The following HS3ST1 variants were observed in gnomAD, a reference collection of about 807,000 sequenced individuals.
HS3ST1 encodes heparan sulfate-glucosamine 3-sulfotransferase 1.
Under a neutral mutation model 20.7 loss-of-function variants are expected in HS3ST1, and 8 were observed. The ratio of observed to expected loss-of-function variants is 0.39; its 90% CI spans 0.23 to 0.70. HS3ST1 has a LOEUF of 0.70. Ranked by LOEUF, HS3ST1 falls within the 30% of genes least tolerant of loss-of-function variation. The pLI is 0.46. For synonymous variants in HS3ST1, 205 were observed against 190.4 expected (o/e 1.08, Z -0.63); for missense variants, 436 against 423.4 (o/e 1.03, Z -0.26).
intron 1 of HS3ST1, among the ~76,000 whole-genome samples, chr4:11,409,258 TC>T (rs1377248609): frequency 2.6e-5 from 4 of 152,218 alleles, no homozygotes; most frequent in African/African-American, 4.8e-5. Flanking sequence ...GTAAATTGTT[TC>T]CCCTGAAACA....
rs755371029 is a variant in HS3ST1 at position 11,399,239 on chromosome 4, C to G, written c.767G>C (p.Cys256Ser). The change falls in exon 2 of 2, where the codon TGC becomes TCC. Residue 256 changes from cysteine to serine, a missense_variant. Transcript: ENST00000002596. This position sits in a 1 kb window ranked among gnomAD's most constrained non-coding sequence, Gnocchi z 5.1. The part of the protein sequence containing the change: ...FYFNKTKGFY[C>S]LRDSGRDRCL... ...GCGGTCCCGGCCGCTGTCCCGCAGGCAGTAAAAGCCCTTGGTTTTGTTAAA... is the reference window on the plus strand; with the variant it reads ...GCGGTCCCGGCCGCTGTCCCGCAGGGAGTAAAAGCCCTTGGTTTTGTTAAA... The G allele has an allele frequency of 6.2e-7, 1 of 1,614,050 alleles. No homozygotes were observed. Among genetic ancestry groups the G allele is most frequent in the African/African-American group, 1.3e-5 (1 of 74,900 alleles).
Position 11,398,920 on chromosome 4 carries a change from AT to A in HS3ST1, c.*161del. 1 of 587,962 alleles carries A rather than the reference AT, an allele frequency of 1.7e-6. No individual in the cohort carries two copies. The highest frequency in any genetic ancestry group is 2.9e-6 in the Non-Finnish European group (1 of 350,528). 36.4% of individuals were successfully genotyped at this position (587,962 alleles called of 1,614,324 possible). A position where few individuals can be genotyped will look rare whatever the true frequency, so the allele number is the denominator to read the frequency against. ...CCCTCCATTTAACAAGTAGAAAAAT[AT>A]AACTAGTATATATGGCAATTGTGAA... On this transcript the variant is annotated 3_prime_UTR_variant, in exon 2 of 2. Coordinates refer to ENST00000002596, the MANE Select transcript of HS3ST1 (RefSeq NM_005114.4).
intron 1 of HS3ST1, among the ~76,000 whole-genome samples, chr4:11,409,542 C>T (rs1180919374): frequency 6.6e-6 from 1 of 152,192 alleles, no homozygotes; most frequent in Non-Finnish European, 1.5e-5. Context: ...AAGGCACAGG[C>T]AAAACGTGGC....
chr4:11,421,702 G>A (rs1718939674), intron 1 of HS3ST1, among the ~76,000 whole-genome samples: 1 of 152,188 alleles, frequency 6.6e-6, no homozygotes, highest in Non-Finnish European at 1.5e-5. Context: ...AAGTTCTTGA[G>A]GGATGAAAGG....
At chr4:11,426,031 G>T (rs1173887332) in intron 1 of HS3ST1, among the ~76,000 whole-genome samples, 1 of 152,134 alleles carries the variant, frequency 6.6e-6, no homozygotes. Flanking sequence ...CCACTCTCCT[G>T]CAACAACTGT....
intron 1 of HS3ST1, among the ~76,000 whole-genome samples, chr4:11,415,863 C>G (rs224493): frequency 0.97 from 147,663 of 152,294 alleles, 71,745 homozygotes; most frequent in Middle Eastern, 1. Context: ...ATAGGGCCCA[C>G]TGGTCTATGT....
chr4:11,410,587 G>A (rs530306408), intron 1 of HS3ST1, among the ~76,000 whole-genome samples: 1 of 152,242 alleles, frequency 6.6e-6, no homozygotes, highest in Admixed American at 6.5e-5. Flanking sequence ...GTTCTCTCTA[G>A]AAATTTAGAA....
At chr4:11,417,970 C>T (rs1475059099) in intron 1 of HS3ST1, among the ~76,000 whole-genome samples, 10 of 152,154 alleles carry the variant, frequency 6.6e-5, no homozygotes, top group Admixed American at 6.5e-4. Flanking sequence ...TGTCTTTGTG[C>T]CTCAGTTTCC....
intron 1 of HS3ST1, among the ~76,000 whole-genome samples, chr4:11,415,648 A>G (rs959124879): frequency 2.0e-5 from 3 of 152,242 alleles, no homozygotes; most frequent in South Asian, 2.1e-4. Context: ...ATGCTGCTCT[A>G]TTGATAGCTG....
chr4:11,405,461 G>A (rs570943841), intron 1 of HS3ST1, among the ~76,000 whole-genome samples: 41 of 152,264 alleles, frequency 2.7e-4, no homozygotes, highest in Non-Finnish European at 4.6e-4. Context: ...CCTTTCCAAG[G>A]AGGCCTTTCC....
chr4:11,407,218 A>G (rs1718489418), intron 1 of HS3ST1, among the ~76,000 whole-genome samples: 1 of 152,200 alleles, frequency 6.6e-6, no homozygotes, highest in African/African-American at 2.4e-5. Flanking sequence ...TTAGGGTAGA[A>G]AGGACCGTAA....
At chr4:11,404,084 G>T (rs563123632) in intron 1 of HS3ST1, among the ~76,000 whole-genome samples, 5 of 151,920 alleles carry the variant, frequency 3.3e-5, no homozygotes, top group Admixed American at 6.6e-5. Context: ...TTCCTCTGTC[G>T]CCCAGGCTGG....
chr4:11,406,836 A>G (rs1490774716), intron 1 of HS3ST1, among the ~76,000 whole-genome samples: 6 of 152,078 alleles, frequency 3.9e-5, no homozygotes, highest in Non-Finnish European at 8.8e-5. Flanking sequence ...TGAGAAACAC[A>G]GGTTGAACAA....
At chr4:11,433,154 T>C (rs2108895724), upstream of HS3ST1, among the ~76,000 whole-genome samples, 1 of 152,360 alleles carries the variant, frequency 6.6e-6, no homozygotes, top group East Asian at 1.9e-4. Flanking sequence ...TTAAATATCT[T>C]CTTTAATCTA....
chr4:11,421,908 G>C (rs973975930), intron 1 of HS3ST1, among the ~76,000 whole-genome samples: 2 of 152,200 alleles, frequency 1.3e-5, no homozygotes, highest in African/African-American at 4.8e-5. Flanking sequence ...CTGGACCTCA[G>C]TTTCCTTAAA....
rs1380627322 is a variant in HS3ST1 at position 11,398,349 on chromosome 4, G to T, written c.*733C>A. ...GCTGCCACCTGGGGCAAAGTATCCA[G>T]GTCCAAGATCATTCTGAAGGCCAAG... On this transcript the variant is annotated 3_prime_UTR_variant, in exon 2 of 2. Coordinates refer to ENST00000002596, the MANE Select transcript of HS3ST1 (RefSeq NM_005114.4). 4.6e-5 allele frequency: 7 copies of T among 152,186 alleles called. No individual in the cohort carries two copies. The highest frequency in any genetic ancestry group is 1.0e-4 in the Non-Finnish European group (7 of 68,062). The allele number at this position is 152,186 out of a possible 1,614,324, so 9.4% of individuals were successfully genotyped here.
chr4:11,404,218 TA>T (rs1370816678), intron 1 of HS3ST1, among the ~76,000 whole-genome samples: 3 of 152,126 alleles, frequency 2.0e-5, no homozygotes, highest in Non-Finnish European at 4.4e-5. Flanking sequence ...CTAATTTTTG[TA>T]TTATAATTTT....
chr4:11,404,289 A>G (rs1393772469), intron 1 of HS3ST1, among the ~76,000 whole-genome samples: 1 of 152,288 alleles, frequency 6.6e-6, no homozygotes, highest in East Asian at 1.9e-4. Context: ...ACCTCAAGTG[A>G]TCCACCTGTT....
upstream of HS3ST1, chr4:11,429,154 G>T (rs1224084168): frequency 6.6e-6 from 1 of 152,488 alleles, no homozygotes; most frequent in Non-Finnish European, 1.5e-5. Context: ...GGCTGGTCGG[G>T]TAGTAGTCGG....
Sources: gnomAD v4.1 joint callset for allele counts (sites outside exome capture counted in the v4.1 genomes callset) on GRCh38, gnomAD v4.1.1 for gene constraint, Gnocchi (gnomAD v3.1) non-coding constraint, MANE v1.5 for transcripts, NCBI Gene and HGNC (gene_info 2026-07-23, HGNC 2026-07-21) for gene names.